Variants in FHAD1 observed in about 807,000 individuals in gnomAD.
FHAD1 encodes the protein forkhead-associated domain-containing protein 1.
Under a neutral mutation model 191.3 loss-of-function variants are expected in FHAD1, and 146 were observed. The observed-to-expected ratio is 0.76, with a 90% CI of 0.67 to 0.88. FHAD1 has a LOEUF of 0.88. Among genes scored for constraint, FHAD1 ranks in the 40% least tolerant of loss-of-function variants. FHAD1 has a pLI of 0.00. For synonymous variants in FHAD1, 616 were observed against 672.3 expected (o/e 0.92, Z 1.29); for missense variants, 1,635 against 1,785.8 (o/e 0.92, Z 1.52).
At chr1:15,401,528 C>T (rs919553456), downstream of FHAD1, among the ~76,000 whole-genome samples, 4 of 152,202 alleles carry the variant, frequency 2.6e-5, no homozygotes, top group African/African-American at 9.7e-5. Context: ...TCCTTGGATT[C>T]GTGACTTTGC....
intron 3 of FHAD1, among the ~76,000 whole-genome samples, chr1:15,273,030 G>T (rs1042810631): frequency 1.3e-5 from 2 of 152,148 alleles, no homozygotes; most frequent in African/African-American, 4.8e-5. Flanking sequence ...AGCCAAATCT[G>T]TGAAGTCCGA....
rs763972498 is a variant in FHAD1 at position 15,352,935 on chromosome 1, A to G, written c.2513A>G (p.Glu838Gly). The G allele has an allele frequency of 1.5e-5, 23 of 1,551,360 alleles. No homozygotes were observed. The highest frequency in any genetic ancestry group is 2.0e-5 in the Non-Finnish European group (23 of 1,146,972). Residue 838 changes from glutamate to glycine, a missense_variant, in exon 20 of 34, where the codon GAA becomes GGA. Physicochemically the swap from Glu to Gly is moderately conservative, Grantham distance 98 (BLOSUM62 -2). Transcript: ENST00000688493. ...AAAGCAAAGGAGGCCATGGAGAAGG[A>G]AAAGAAAAAGGTGCAAGACCTGGAG... ...KRKAKEAMEK[E>G]KKKVQDLENR...
chr1:15,248,158 T>G (rs1573602877), intron 1 of FHAD1, among the ~76,000 whole-genome samples: 1 of 152,134 alleles, frequency 6.6e-6, no homozygotes. Flanking sequence ...TTTTAAGCAT[T>G]GTTTTGTACT....
In FHAD1 at chr1:15,360,565, G is replaced by C. The variant is rs1230263268; in HGVS notation, c.2824G>C (p.Glu942Gln). The change falls in exon 22 of 34, where the codon GAA (glutamate) becomes CAA (glutamine). Residue 942 changes from glutamate to glutamine, a missense_variant. Physicochemically the swap from Glu to Gln is conservative, Grantham distance 29 (BLOSUM62 2). Transcript: ENST00000688493. ...EQESQRHGFEEEIMEYKEQIK... is the reference protein window; with the variant it reads ...EQESQRHGFEQEIMEYKEQIK... ...GGAATCACAGAGACACGGGTTTGAA[G>C]AAGAGATCATGGAATATAAGGAGCA... 3 of 1,552,136 alleles carry C rather than the reference G, an allele frequency of 1.9e-6. No individual in the cohort carries two copies. The South Asian group carries it at 3.6e-5, about 18-fold the overall frequency.
chr1:15,274,775 C>T (rs979482597), intron 3 of FHAD1, among the ~76,000 whole-genome samples: 3 of 152,176 alleles, frequency 2.0e-5, no homozygotes, highest in African/African-American at 4.8e-5. Context: ...GGCATGGGCT[C>T]TCTCATGATC....
chr1:15,396,315 C>G (rs1705938851), intron 33 of FHAD1, among the ~76,000 whole-genome samples: 1 of 151,170 alleles, frequency 6.6e-6, no homozygotes, highest in Non-Finnish European at 1.5e-5. Context: ...GAGTGAGACC[C>G]CATATCAAGA....
At position 15,256,771 on chromosome 1, in the gene FHAD1, G is replaced by C. The variant is rs188312887; in HGVS notation, c.93+4894G>C. Among the ~76,000 whole-genome samples, 173 of 152,026 alleles carry C rather than the reference G, an allele frequency of 1.1e-3. 1 individual carries two copies. Among genetic ancestry groups the C allele is most frequent in the African/African-American group, 3.9e-3 (160 of 41,472 alleles). On this transcript the variant is annotated intron_variant, in intron 2 of 33. Coordinates refer to ENST00000688493, the MANE Select transcript of FHAD1 (RefSeq NM_001391957.1). ...TTACAATTGACTTGTAGGGCAGCCA[G>C]AATCAATGCAGTGCCGTGGCTAGGA...
intron 1 of FHAD1, among the ~76,000 whole-genome samples, chr1:15,240,976 A>G (rs1645298761): frequency 6.8e-6 from 1 of 147,836 alleles, no homozygotes; most frequent in African/African-American, 2.5e-5. Flanking sequence ...AAAAAAAAAA[A>G]GAAAGAAAGA....
At chr1:15,308,584 C>T in intron 6 of FHAD1, 29 bp from the exon 7 acceptor site, 2 of 1,551,206 alleles carry the variant, frequency 1.3e-6, no homozygotes, top group Non-Finnish European at 1.7e-6. Context: ...GGGCCAGCCC[C>T]CCTCTGACTG....
intron 32 of FHAD1, chr1:15,388,384 A>T: frequency 1.0e-6 from 1 of 980,260 alleles, no homozygotes; most frequent in Non-Finnish European, 1.2e-6. Context: ...CGGATGACCT[A>T]AGAGACAAGC....
At chr1:15,347,099 T>A (rs934366594) in intron 18 of FHAD1, among the ~76,000 whole-genome samples, 1 of 152,226 alleles carries the variant, frequency 6.6e-6, no homozygotes, top group Admixed American at 6.5e-5. Context: ...CGTTTACATG[T>A]CGGTTCTCCC....
intron 11 of FHAD1, chr1:15,326,219 C>T (rs1026589563): frequency 6.6e-6 from 1 of 152,232 alleles, no homozygotes; most frequent in African/African-American, 2.4e-5. Context: ...CAAGGCTCTG[C>T]TTTGGAGTAT....
chr1:15,292,397 G>A (rs1490284487), intron 4 of FHAD1, among the ~76,000 whole-genome samples: 3 of 152,030 alleles, frequency 2.0e-5, no homozygotes, highest in Non-Finnish European at 4.4e-5. Context: ...GCAGTGGCAC[G>A]ATCTCGGCTT....
rs115891318 is a variant in FHAD1 at position 15,251,806 on chromosome 1, G to T, written c.22G>T (p.Ala8Ser). 8 of 1,552,084 alleles carry T rather than the reference G, an allele frequency of 5.2e-6. No homozygotes were observed. Among genetic ancestry groups the T allele is most frequent in the Middle Eastern group, 1.7e-4 (1 of 5,996 alleles). ...GAGGATGAAGGCCTATCTAAAGAGCGCAGAAGGCTTTTTTGTCCTAAATAA... is the reference window on the plus strand; with the variant it reads ...GAGGATGAAGGCCTATCTAAAGAGCTCAGAAGGCTTTTTTGTCCTAAATAA... Reference protein sequence around the residue: MKAYLKSAEGFFVLNKST... With the variant: MKAYLKSSEGFFVLNKST... The change falls in exon 2 of 34, where the codon GCA becomes TCA. Residue 8 changes from alanine (A) to serine (S), a missense_variant. Transcript: ENST00000688493.
At chr1:15,379,386 T>G (rs1459997761) in intron 28 of FHAD1, among the ~76,000 whole-genome samples, 1 of 152,294 alleles carries the variant, frequency 6.6e-6, no homozygotes, top group Non-Finnish European at 1.5e-5. Context: ...GCTGCCTGCA[T>G]GTCCCATCTC....
chr1:15,258,883 T>C (rs886797666), intron 2 of FHAD1, among the ~76,000 whole-genome samples: 3 of 152,166 alleles, frequency 2.0e-5, no homozygotes, highest in African/African-American at 4.8e-5. Flanking sequence ...CCACCACCGA[T>C]ATCTCTTCAA....
intron 8 of FHAD1, chr1:15,315,060 T>G (rs1357858015): frequency 2.0e-5 from 3 of 151,988 alleles, no homozygotes; most frequent in Non-Finnish European, 4.4e-5. Context: ...TGCCTTCTTC[T>G]CCAGGCCGCA....
At chr1:15,333,991 C>A (rs1485034985) in intron 14 of FHAD1, among the ~76,000 whole-genome samples, 3 of 151,840 alleles carry the variant, frequency 2.0e-5, no homozygotes, top group African/African-American at 7.3e-5. Context: ...TGCCACCACG[C>A]CACCTAATTT....
chr1:15,380,628 G>A (rs1700687745), intron 28 of FHAD1, 73 bp from the exon 29 acceptor site: 2 of 1,211,742 alleles, frequency 1.7e-6, no homozygotes, highest in Non-Finnish European at 2.4e-6. Context: ...TAATCACACA[G>A]TGCTTTAGCT....
Sources: allele counts gnomAD v4.1 joint callset (sites outside exome capture counted in the v4.1 genomes callset), GRCh38; gene constraint gnomAD v4.1.1; transcripts MANE v1.5; gene names NCBI Gene and HGNC (gene_info 2026-07-23, HGNC 2026-07-21).